Variants in CEMIP observed in about 807,000 individuals in gnomAD.
CEMIP encodes the protein cell migration-inducing and hyaluronan-binding protein.
In CEMIP, 105 loss-of-function variants were observed where a neutral mutation model predicts 156.9. That is an observed-to-expected ratio of 0.67 (90% CI 0.57 to 0.79). The LOEUF (loss-of-function observed/expected upper bound fraction) is 0.79. Ranked by LOEUF, CEMIP falls within the 30% of genes least tolerant of loss-of-function variation. CEMIP has a pLI of 0.00. For missense variants in CEMIP, 1,457 were observed against 1,769.4 expected, an observed-to-expected ratio of 0.82 and a Z score of 3.17; for synonymous variants, 676 against 668.4, an observed-to-expected ratio of 1.01 and a Z score of -0.17.
intron 1 of CEMIP, among the ~76,000 whole-genome samples, chr15:80,852,919 T>C (rs1897748943): frequency 6.6e-6 from 1 of 152,152 alleles, no homozygotes; most frequent in Non-Finnish European, 1.5e-5. Flanking sequence ...AGGGGCAAAA[T>C]GTCCCGGTGG....
chr15:80,936,819 G>A lies in CEMIP; in HGVS notation c.3155G>A (p.Gly1052Asp). 6.2e-7 allele frequency: 1 copy of A among 1,614,094 alleles called. No individual in the cohort carries two copies. The highest frequency in any genetic ancestry group is 1.1e-5 in the South Asian group (1 of 91,086). The stretch of plus-strand genomic sequence containing the variant: ...CAACCGGTTGTCACCCTGCAGAAGG[G>A]CTACACCATCCACTGGGACCAGACG... ...QYQPVVTLQK[G>D]YTIHWDQTAP... The change falls in exon 24 of 30, where the codon GGC becomes GAC. Residue 1052 changes from glycine to aspartate, a missense_variant. Gly to Asp is a moderately conservative substitution (Grantham distance 94). Transcript: ENST00000394685.
chr15:80,863,978 T>C (rs958989568), intron 1 of CEMIP, among the ~76,000 whole-genome samples: 1 of 152,040 alleles, frequency 6.6e-6, no homozygotes, highest in Admixed American at 6.5e-5. Flanking sequence ...CCCTTTCCCT[T>C]CCCTCTTTTG....
At chr15:80,891,452 T>C (rs2141850048) in intron 10 of CEMIP, among the ~76,000 whole-genome samples, 1 of 152,336 alleles carries the variant, frequency 6.6e-6, no homozygotes, top group Admixed American at 6.5e-5. Context: ...CCTAGTTTTC[T>C]TCTAACAAAA....
At chr15:80,790,537 T>C (rs1245442567) in intron 1 of CEMIP, among the ~76,000 whole-genome samples, 1 of 150,842 alleles carries the variant, frequency 6.6e-6, no homozygotes, top group Non-Finnish European at 1.5e-5. Flanking sequence ...GTTTTGCAGA[T>C]GGAGAAGGTC....
At chr15:80,798,590 G>A (rs1896292538) in intron 1 of CEMIP, among the ~76,000 whole-genome samples, 1 of 152,090 alleles carries the variant, frequency 6.6e-6, no homozygotes, top group South Asian at 2.1e-4. Context: ...TAATAGGTTT[G>A]TATTTCTTTG....
chr15:80,788,558 A>G (rs989484845), intron 1 of CEMIP, among the ~76,000 whole-genome samples: 3 of 152,184 alleles, frequency 2.0e-5, no homozygotes, highest in East Asian at 1.9e-4. Context: ...TGACAAGCCT[A>G]TTTCAAAGCT....
chr15:80,917,266 C>G (rs551024354), intron 14 of CEMIP, among the ~76,000 whole-genome samples: 63 of 147,870 alleles, frequency 4.3e-4, no homozygotes, highest in Non-Finnish European at 7.5e-4. Flanking sequence ...AAATGGATCC[C>G]TAAGATTTAG....
intron 1 of CEMIP, among the ~76,000 whole-genome samples, chr15:80,783,790 G>A (rs927887865): frequency 5.3e-5 from 8 of 152,276 alleles, no homozygotes; most frequent in African/African-American, 1.9e-4. Context: ...CTGGCACCAG[G>A]CTTTGTTCAA....
intron 1 of CEMIP, among the ~76,000 whole-genome samples, chr15:80,798,555 A>T (rs549487458): frequency 1.6e-4 from 25 of 152,332 alleles, no homozygotes; most frequent in African/African-American, 6.0e-4. Flanking sequence ...TTAAAAAATC[A>T]TTTTAACAGG....
chr15:80,908,402 T>C (rs1457390248), intron 13 of CEMIP, among the ~76,000 whole-genome samples: 1 of 152,132 alleles, frequency 6.6e-6, no homozygotes, highest in African/African-American at 2.4e-5. Context: ...AGACTATCCT[T>C]CTTTAGTAGA....
At chr15:80,801,864 A>C (rs1023528434) in intron 1 of CEMIP, among the ~76,000 whole-genome samples, 4 of 152,244 alleles carry the variant, frequency 2.6e-5, no homozygotes, top group Admixed American at 6.5e-5. Context: ...TTACAGGATA[A>C]TAATACGGGA....
At chr15:80,867,825 A>G (rs1009603394) in intron 1 of CEMIP, among the ~76,000 whole-genome samples, 1 of 152,036 alleles carries the variant, frequency 6.6e-6, no homozygotes, top group African/African-American at 2.4e-5. Context: ...GTCAGGAGAG[A>G]GCTGGGCCTG....
intron 3 of CEMIP, among the ~76,000 whole-genome samples, chr15:80,875,065 G>A (rs578229482): frequency 2.6e-5 from 3 of 114,862 alleles, no homozygotes; most frequent in South Asian, 2.8e-4. Context: ...ATAGGGTCTC[G>A]CTCTGTTGCC....
intron 1 of CEMIP, among the ~76,000 whole-genome samples, chr15:80,871,923 C>A (rs1272759604): frequency 1.3e-5 from 2 of 152,144 alleles, no homozygotes; most frequent in Admixed American, 1.3e-4. Context: ...CTAGAATGGG[C>A]CCTGTTGTTC....
rs1408578544 is a variant in CEMIP at position 80,879,823 on chromosome 15, C to G, written c.349C>G (p.Gln117Glu). Residue 117 changes from glutamine (Q) to glutamate (E), a missense_variant, in exon 5 of 30, where the codon CAG becomes GAG. Coordinates refer to ENST00000394685, the MANE Select transcript of CEMIP (RefSeq NM_001293298.2). ...LHAGSALCPFQGNFTIILYGR... is the reference protein window; with the variant it reads ...LHAGSALCPFEGNFTIILYGR... ...TGCTGGGAGTGCCCTCTGCCCTTTC[C>G]AGGGCAATTTCACCATCATTTTGTA... 6.2e-7 allele frequency: 1 copy of G among 1,614,138 alleles called. No individual in the cohort carries two copies.
At position 80,936,656 on chromosome 15, in the gene CEMIP, CT is replaced by C; in HGVS notation, c.3010-13del. The C allele has an allele frequency of 6.2e-7, 1 of 1,604,712 alleles. No individual in the cohort carries two copies. Among genetic ancestry groups the C allele is most frequent in the Non-Finnish European group, 8.5e-7 (1 of 1,172,478 alleles). On this transcript the variant is annotated splice_polypyrimidine_tract_variant and intron_variant, in intron 23 of 29. Transcript: ENST00000394685. ...TCGTAATAGCCTCATTGTGTGTTTC[CT>C]TTTTGGGTTTTAAAAGATGTACATT...
At chr15:80,855,633 C>T (rs1308532639) in intron 1 of CEMIP, among the ~76,000 whole-genome samples, 1 of 152,148 alleles carries the variant, frequency 6.6e-6, no homozygotes, top group South Asian at 2.1e-4. Context: ...GGTTCAGCTC[C>T]TGTCTCGGCC....
chr15:80,921,072 C>G lies in CEMIP; in HGVS notation c.2044C>G (p.Leu682Val). ...CTGGATGGCCAATCCCAACAACAAC[C>G]TCATCAACTGTGCCGCTGCAGGATC... is the stretch of plus-strand genomic sequence containing the variant. ...TFWMANPNNN[L>V]INCAAAGSEE... The change falls in exon 16 of 30, where the codon CTC becomes GTC. Residue 682 changes from leucine to valine, a missense_variant. Transcript: ENST00000394685. 1 of 1,614,216 alleles carries G rather than the reference C, an allele frequency of 6.2e-7. No individual in the cohort carries two copies.
rs79299476 is a variant in CEMIP, at chr15:80,863,452, G to A, written c.-175-10086G>A. Among the ~76,000 whole-genome samples the A allele has an allele frequency of 7.7e-3, 1,179 of 152,254 alleles. 21 individuals carry two copies. Among genetic ancestry groups the A allele is most frequent in the African/African-American group, 0.027 (1,122 of 41,546 alleles). ...CGGAGTCCCTGCCCTCAAGGAGCCC[G>A]CAGCCCAGTGTGGAAAATGTTCAGG... On this transcript the variant is annotated intron_variant, in intron 1 of 29. Coordinates refer to ENST00000394685, the MANE Select transcript of CEMIP (RefSeq NM_001293298.2).
Sources: allele counts gnomAD v4.1 joint callset (sites outside exome capture counted in the v4.1 genomes callset), GRCh38; gene constraint gnomAD v4.1.1; transcripts MANE v1.5; gene names NCBI Gene and HGNC (gene_info 2026-07-23, HGNC 2026-07-21).